Variants in LRRC28 observed in about 807,000 individuals in gnomAD.
LRRC28 encodes leucine-rich repeat-containing protein 28.
A neutral mutation model predicts 45.7 loss-of-function variants in LRRC28; 39 were observed. The ratio of observed to expected loss-of-function variants is 0.85; its 90% CI spans 0.66 to 1.12. The LOEUF (loss-of-function observed/expected upper bound fraction) is 1.12. LRRC28 is among the 50% of genes most tolerant of loss of function. LRRC28 has a pLI of 0.00. For missense variants in LRRC28, 435 were observed against 438.5 expected (o/e 0.99, Z 0.07); for synonymous variants, 206 against 178.8 (o/e 1.15, Z -1.22).
chr15:99,333,359 C>T (rs1218283515), intron 5 of LRRC28, among the ~76,000 whole-genome samples: 2 of 152,166 alleles, frequency 1.3e-5, no homozygotes, highest in Admixed American at 6.5e-5. Context: ...CATGCCTAAA[C>T]GGTATCTAAA....
At chr15:99,355,755 C>T (rs1269999817) in intron 7 of LRRC28, 1 of 146,868 alleles carries the variant, frequency 6.8e-6, no homozygotes, top group Non-Finnish European at 1.5e-5. Flanking sequence ...AAAAAAAAAA[C>T]CAAGCCACTA....
At chr15:99,258,106 C>A in intron 2 of LRRC28, 2 of 1,587,900 alleles carry the variant, frequency 1.3e-6, no homozygotes, top group Non-Finnish European at 8.7e-7. Flanking sequence ...TGGTTAAAAA[C>A]CTTGGTACCA....
At chr15:99,339,805 G>A (rs183913640) in intron 6 of LRRC28, among the ~76,000 whole-genome samples, 4 of 152,062 alleles carry the variant, frequency 2.6e-5, no homozygotes, top group Admixed American at 6.5e-5. Context: ...AAACCACCAC[G>A]TAGTAAGCCC....
At chr15:99,303,983 T>C (rs570483707) in intron 5 of LRRC28, among the ~76,000 whole-genome samples, 23 of 152,386 alleles carry the variant, frequency 1.5e-4, no homozygotes, top group Non-Finnish European at 2.5e-4. Context: ...ATCTGTAGTT[T>C]ACAGAATTGT....
intron 5 of LRRC28, among the ~76,000 whole-genome samples, chr15:99,289,460 A>C (rs1288083318): frequency 4.6e-5 from 7 of 152,204 alleles, no homozygotes; most frequent in Non-Finnish European, 7.3e-5. Context: ...ACTACCTGTC[A>C]TAGAACTTCA....
At chr15:99,352,704 T>C (rs1956923617) in intron 7 of LRRC28, among the ~76,000 whole-genome samples, 1 of 152,178 alleles carries the variant, frequency 6.6e-6, no homozygotes, top group African/African-American at 2.4e-5. Flanking sequence ...AAGAAACACC[T>C]TTATTTCCCC....
chr15:99,270,197 T>A (rs549966987), intron 2 of LRRC28, among the ~76,000 whole-genome samples: 1 of 152,240 alleles, frequency 6.6e-6, no homozygotes, highest in Non-Finnish European at 1.5e-5. Context: ...GTTGTGGTAG[T>A]TTGTGAATGA....
chr15:99,371,810 T>C (rs552694602), intron 9 of LRRC28, among the ~76,000 whole-genome samples: 1 of 152,346 alleles, frequency 6.6e-6, no homozygotes, highest in South Asian at 2.1e-4. Context: ...AAATTATTTG[T>C]TGACCATCTG....
chr15:99,264,598 C>T (rs1226384539), intron 2 of LRRC28, among the ~76,000 whole-genome samples: 3 of 152,168 alleles, frequency 2.0e-5, no homozygotes, highest in Non-Finnish European at 4.4e-5. Context: ...CAAACCCCCA[C>T]ATAGATGGGA....
At chr15:99,269,403 T>C (rs2081413903) in intron 2 of LRRC28, among the ~76,000 whole-genome samples, 1 of 152,162 alleles carries the variant, frequency 6.6e-6, no homozygotes, top group Non-Finnish European at 1.5e-5. Flanking sequence ...ACCAGCCACA[T>C]GTGCTGTTAA....
intron 5 of LRRC28, among the ~76,000 whole-genome samples, chr15:99,308,722 T>C (rs1228126020): frequency 1.3e-5 from 2 of 152,210 alleles, no homozygotes; most frequent in Non-Finnish European, 2.9e-5. Flanking sequence ...TATAATACTA[T>C]ATTATTTATC....
chr15:99,261,290 T>G (rs1353337034), intron 2 of LRRC28, among the ~76,000 whole-genome samples: 1 of 152,252 alleles, frequency 6.6e-6, no homozygotes, highest in Non-Finnish European at 1.5e-5. Context: ...ATCCTCTCTT[T>G]GTCCAGTTTG....
At chr15:99,370,816 A>G (rs2152333152) in intron 9 of LRRC28, among the ~76,000 whole-genome samples, 1 of 152,376 alleles carries the variant, frequency 6.6e-6, no homozygotes, top group South Asian at 2.1e-4. Context: ...ACATGCACAT[A>G]CACACATATT....
intron 5 of LRRC28, among the ~76,000 whole-genome samples, chr15:99,304,438 CT>C (rs909119546): frequency 2.7e-5 from 4 of 148,528 alleles, no homozygotes; most frequent in Non-Finnish European, 6.0e-5. Context: ...TTTCTTTTTT[CT>C]TTTTTTTTCA....
chr15:99,287,124 G>A, intron 3 of LRRC28, 133 bp from the exon 4 acceptor site: 1 of 613,204 alleles, frequency 1.6e-6, no homozygotes, highest in Non-Finnish European at 2.8e-6. Flanking sequence ...ATTGTATGTT[G>A]ATGCATTAGA....
At chr15:99,300,741 G>T (rs1020037083) in intron 5 of LRRC28, among the ~76,000 whole-genome samples, 1 of 152,142 alleles carries the variant, frequency 6.6e-6, no homozygotes, top group African/African-American at 2.4e-5. Context: ...CATGAGAATC[G>T]CTTGAACCCA....
intron 9 of LRRC28, among the ~76,000 whole-genome samples, chr15:99,381,163 G>A (rs1416868135): frequency 1.3e-5 from 2 of 152,174 alleles, no homozygotes; most frequent in African/African-American, 2.4e-5. Context: ...TCACTTTCAA[G>A]TATACCAATC....
intron 2 of LRRC28, among the ~76,000 whole-genome samples, chr15:99,270,918 A>G (rs959873958): frequency 6.6e-6 from 1 of 152,204 alleles, no homozygotes; most frequent in Non-Finnish European, 1.5e-5. Context: ...ATTCTTGCCA[A>G]CACTTGTTAC....
At chr15:99,382,144 G>A (rs918143704) in intron 9 of LRRC28, among the ~76,000 whole-genome samples, 1 of 152,238 alleles carries the variant, frequency 6.6e-6, no homozygotes, top group Non-Finnish European at 1.5e-5. Flanking sequence ...GTCTACAGAG[G>A]TAGGCAGGCC....
Sources: allele counts gnomAD v4.1 joint callset (sites outside exome capture counted in the v4.1 genomes callset), GRCh38; gene constraint gnomAD v4.1.1; transcripts MANE v1.5; gene names NCBI Gene and HGNC (gene_info 2026-07-23, HGNC 2026-07-21).